MSH3: variants seen among roughly 807,000 people sequenced by gnomAD.
MSH3 encodes mutS homolog 3.
MSH3 carries 106 observed loss-of-function variants against 123.3 expected under a neutral mutation model. That is an observed-to-expected ratio of 0.86 (90% confidence interval 0.73 to 1.01). The LOEUF is 1.01. Ranked by LOEUF, MSH3 falls within the 50% of genes least tolerant of loss-of-function variation. The pLI is 0.00. For synonymous variants in MSH3, 515 were observed against 481.4 expected (o/e 1.07, Z -0.91); for missense variants, 1,459 against 1,347.6 (o/e 1.08, Z -1.29).
rs531732607 is a variant in MSH3, at chr5:80,688,638, A to G, written c.1340+9545A>G. On this transcript the variant is annotated intron_variant, in intron 8 of 23. Transcript: ENST00000265081. Reference sequence around the variant, plus strand: ...AAAATGAAGTGATAACTGTGAGACTATATAATTATCAGAGGAATTGTTATG... The same window carrying G: ...AAAATGAAGTGATAACTGTGAGACTGTATAATTATCAGAGGAATTGTTATG... 2.6e-5 allele frequency among the ~76,000 whole-genome samples: 4 copies of G among 151,970 alleles called. No individual in the cohort carries two copies. In the East Asian group the frequency reaches 5.8e-4, roughly 22 times the overall value.
At chr5:80,838,956 A>G (rs993941194) in intron 20 of MSH3, among the ~76,000 whole-genome samples, 2 of 152,236 alleles carry the variant, frequency 1.3e-5, no homozygotes, top group African/African-American at 2.4e-5. Flanking sequence ...AAATAGATAC[A>G]TAGAAAAGTT....
chr5:80,789,586 G>A (rs1431625196), intron 18 of MSH3, among the ~76,000 whole-genome samples: 1 of 152,158 alleles, frequency 6.6e-6, no homozygotes, highest in African/African-American at 2.4e-5. Flanking sequence ...GGCCAGGCTG[G>A]TCTTGAACTC....
chr5:80,833,687 C>T (rs1745459416), intron 20 of MSH3, among the ~76,000 whole-genome samples: 2 of 152,190 alleles, frequency 1.3e-5, no homozygotes, highest in Non-Finnish European at 2.9e-5. Context: ...ATGATCCGCC[C>T]ACGTCAGCCT....
intron 12 of MSH3, among the ~76,000 whole-genome samples, chr5:80,753,139 T>C (rs3797889): frequency 1.3e-5 from 2 of 152,190 alleles, no homozygotes; most frequent in East Asian, 3.9e-4. Context: ...ACTACCATCA[T>C]AATCAGGTGA....
intron 8 of MSH3, among the ~76,000 whole-genome samples, chr5:80,690,403 G>A (rs754836700): frequency 8.5e-5 from 13 of 152,218 alleles, no homozygotes; most frequent in Admixed American, 2.0e-4. Flanking sequence ...TGCCTCCTGG[G>A]TTCAAGCGAT....
intron 21 of MSH3, 89 bp downstream of exon 21, chr5:80,854,405 G>A: frequency 8.5e-7 from 1 of 1,182,444 alleles, no homozygotes; most frequent in South Asian, 1.3e-5. Flanking sequence ...ATATTTATGG[G>A]GTACAATGTG....
At chr5:80,861,972 A>C (rs541226769) in intron 21 of MSH3, among the ~76,000 whole-genome samples, 2 of 152,276 alleles carry the variant, frequency 1.3e-5, no homozygotes. Context: ...CTTATATGCT[A>C]AACTGGAAAC....
intron 20 of MSH3, among the ~76,000 whole-genome samples, chr5:80,839,277 A>G (rs1254389920): frequency 6.6e-6 from 1 of 152,192 alleles, no homozygotes; most frequent in Non-Finnish European, 1.5e-5. Flanking sequence ...CTGAGGCGTG[A>G]GAATCACTTG....
intron 8 of MSH3, among the ~76,000 whole-genome samples, chr5:80,702,991 G>A (rs1213223957): frequency 1.3e-5 from 2 of 152,156 alleles, no homozygotes; most frequent in East Asian, 1.9e-4. Context: ...CTCCCTGGGC[G>A]ACAGAGCGAG....
intron 10 of MSH3, among the ~76,000 whole-genome samples, chr5:80,740,964 C>T (rs1743602747): frequency 6.6e-6 from 1 of 152,058 alleles, no homozygotes; most frequent in Non-Finnish European, 1.5e-5. Flanking sequence ...GATCCGCCTG[C>T]CTCAGCCTCC....
rs539104608 is a variant in MSH3, at chr5:80,831,073, T to A, written c.2813+17332T>A. Among the ~76,000 whole-genome samples, 4 of 152,278 alleles carry A rather than the reference T, an allele frequency of 2.6e-5. No homozygotes were observed. The South Asian group carries it at 8.3e-4, about 32-fold the overall frequency. On this transcript the variant is annotated intron_variant, in intron 20 of 23. Coordinates refer to ENST00000265081, the MANE Select transcript of MSH3 (RefSeq NM_002439.5). ...AACCCATCATAAGTCAGAAACATCATAAATCAAAAATGCACTTAATACTCC... is the reference window on the plus strand; with the variant it reads ...AACCCATCATAAGTCAGAAACATCAAAAATCAAAAATGCACTTAATACTCC...
intron 19 of MSH3, among the ~76,000 whole-genome samples, chr5:80,797,614 G>A (rs1006888635): frequency 1.3e-5 from 2 of 152,226 alleles, no homozygotes; most frequent in Non-Finnish European, 2.9e-5. Flanking sequence ...ATCTGCCAGA[G>A]GTTGCTCAGG....
chr5:80,692,485 C>T (rs1750311845), intron 8 of MSH3, among the ~76,000 whole-genome samples: 1 of 67,264 alleles, frequency 1.5e-5, no homozygotes, highest in Non-Finnish European at 2.7e-5. Flanking sequence ...GATAGATAAA[C>T]ATGTATATGT....
chr5:80,760,172 C>T (rs1049194408), intron 12 of MSH3, among the ~76,000 whole-genome samples: 3 of 152,154 alleles, frequency 2.0e-5, no homozygotes, highest in African/African-American at 7.2e-5. Context: ...CTCCTTTCCC[C>T]CAAAACATCA....
chr5:80,873,226 G>A lies in MSH3; in HGVS notation c.3241G>A (p.Glu1081Lys), dbSNP rs1328941442. 3 of 1,613,864 alleles carry A rather than the reference G, an allele frequency of 1.9e-6. No homozygotes were observed. Among genetic ancestry groups the A allele is most frequent in the Middle Eastern group, 1.6e-4 (1 of 6,080 alleles). Residue 1081 changes from glutamate to lysine, a missense_variant, in exon 23 of 24, where the codon GAA (glutamate) becomes AAA (lysine). Transcript: ENST00000265081. Reference sequence around the variant, plus strand: ...GGCTAAACTAGCAGATGTTCCTGGAGAAATTTTGAAGAAAGCAGCTCACAA... The same window carrying A: ...GGCTAAACTAGCAGATGTTCCTGGAAAAATTTTGAAGAAAGCAGCTCACAA... ...NVAKLADVPGEILKKAAHKSK... is the reference protein window; with the variant it reads ...NVAKLADVPGKILKKAAHKSK...
Position 80,672,253 on chromosome 5 carries a change from C to G in MSH3, c.802C>G (p.Arg268Gly). The change falls in exon 5 of 24, where the codon CGA becomes GGA. Residue 268 changes from arginine (R) to glycine (G), a missense_variant. By Grantham distance (125) the Arg-to-Gly change is moderately radical. Transcript: ENST00000265081. ...TTTTTTCATTTTTTAGATTGCAGCC[C>G]GAGAGCTCAATATTTATTGCCATTT... is the stretch of plus-strand genomic sequence containing the variant. ...FFGEDAEIAA[R>G]ELNIYCHLDH... The G allele has an allele frequency of 6.2e-7, 1 of 1,611,156 alleles. No homozygotes were observed. The highest frequency in any genetic ancestry group is 8.5e-7 in the Non-Finnish European group (1 of 1,177,600).
chr5:80,768,596 A>C (rs6151804), intron 14 of MSH3, among the ~76,000 whole-genome samples: 1 of 152,162 alleles, frequency 6.6e-6, no homozygotes, highest in Non-Finnish European at 1.5e-5. Flanking sequence ...CAAACAACAA[A>C]TAATTTATCT....
Position 80,762,719 on chromosome 5 carries a change from A to G in MSH3, c.1896+1041A>G, listed in dbSNP as rs868562154. Reference sequence around the variant, plus strand: ...ATAATTTTACTGTGTAACCATTTTTATGTGCCTAAATTTTTATTTTATTTT... The same window carrying G: ...ATAATTTTACTGTGTAACCATTTTTGTGTGCCTAAATTTTTATTTTATTTT... On this transcript the variant is annotated intron_variant, in intron 13 of 23. Transcript: ENST00000265081. Among the ~76,000 whole-genome samples the G allele has an allele frequency of 6.4e-4, 96 of 149,180 alleles. 3 individuals carry two copies. Among genetic ancestry groups the G allele is most frequent in the Middle Eastern group, 6.9e-3 (2 of 290 alleles).
chr5:80,866,165 G>A (rs1178755087), intron 22 of MSH3, among the ~76,000 whole-genome samples: 1 of 152,160 alleles, frequency 6.6e-6, no homozygotes, highest in East Asian at 1.9e-4. Context: ...TGTTGAGATG[G>A]GGTGTCACTG....
Sources: gnomAD v4.1 joint callset for allele counts (sites outside exome capture counted in the v4.1 genomes callset) on GRCh38, gnomAD v4.1.1 for gene constraint, MANE v1.5 for transcripts, NCBI Gene and HGNC (gene_info 2026-07-23, HGNC 2026-07-21) for gene names.